The following STK32B variants were observed in gnomAD, a reference collection of about 807,000 sequenced individuals.
The protein encoded by STK32B is serine/threonine kinase 32B, also known as serine/threonine-protein kinase 32B.
STK32B carries 43 observed loss-of-function variants against 52.6 expected under a neutral mutation model. That is an observed-to-expected ratio of 0.82 (90% confidence interval 0.64 to 1.05). The LOEUF (loss-of-function observed/expected upper bound fraction) is 1.05, where lower values mean the gene tolerates loss of function less well. Ranked by LOEUF, STK32B falls within the 50% of genes least tolerant of loss-of-function variation. The pLI, the probability that STK32B is intolerant of heterozygous loss-of-function variation, is 0.00. For synonymous variants in STK32B, 238 were observed against 204.3 expected, an observed-to-expected ratio of 1.17 and a Z score of -1.41; for missense variants, 621 against 534.6, an observed-to-expected ratio of 1.16 and a Z score of -1.59.
At chr4:5,050,375 G>GT (rs1741714264), upstream of STK32B, among the ~76,000 whole-genome samples, 4 of 152,088 alleles carry the variant, frequency 2.6e-5, no homozygotes, top group African/African-American at 9.7e-5. Flanking sequence ...GCCTGCCTCA[G>GT]ACCTTCTCAG....
chr4:5,489,054 T>C (rs904313838), intron 11 of STK32B, among the ~76,000 whole-genome samples: 3 of 152,150 alleles, frequency 2.0e-5, no homozygotes, highest in Non-Finnish European at 2.9e-5. Flanking sequence ...TTGTCTGTCA[T>C]GTATCAATAT....
At chr4:5,317,234 C>CAT (rs1164468428) in intron 3 of STK32B, among the ~76,000 whole-genome samples, 1 of 34,926 alleles carries the variant, frequency 2.9e-5, no homozygotes, top group East Asian at 1.3e-3. Context: ...TTATATATAA[C>CAT]ATATATATAT....
intron 4 of STK32B, among the ~76,000 whole-genome samples, chr4:5,356,141 CT>C (rs1734157551): frequency 6.6e-6 from 1 of 152,112 alleles, no homozygotes; most frequent in African/African-American, 2.4e-5. Flanking sequence ...GGCTTTATAT[CT>C]GACTGCATGG....
intron 2 of STK32B, among the ~76,000 whole-genome samples, chr4:5,158,521 A>G (rs1718048475): frequency 6.6e-6 from 1 of 152,072 alleles, no homozygotes; most frequent in Admixed American, 6.6e-5. Context: ...TCGTAATTGT[A>G]TACTTAGGAT....
intron 3 of STK32B, among the ~76,000 whole-genome samples, chr4:5,304,670 T>A (rs1404630719): frequency 6.6e-6 from 1 of 152,082 alleles, no homozygotes; most frequent in African/African-American, 2.4e-5. Flanking sequence ...TGGATGCCCT[T>A]TATTTCTTTT....
the STK32B span, among the ~76,000 whole-genome samples, chr4:5,030,723 T>A: frequency 6.6e-6 from 1 of 152,190 alleles, no homozygotes; most frequent in African/African-American, 2.4e-5. Flanking sequence ...ACAGCTAGGT[T>A]CAATCTGTGT....
chr4:5,117,194 A>C (rs193278021), intron 1 of STK32B, among the ~76,000 whole-genome samples: 44 of 152,284 alleles, frequency 2.9e-4, no homozygotes. Context: ...CAGTGGTGAG[A>C]GTGAGCATCC....
chr4:5,204,919 A>C (rs991284158), intron 3 of STK32B, among the ~76,000 whole-genome samples: 1 of 152,138 alleles, frequency 6.6e-6, no homozygotes, highest in Non-Finnish European at 1.5e-5. Context: ...AGATTGCTGC[A>C]ATAGCTGGCA....
intron 1 of STK32B, among the ~76,000 whole-genome samples, chr4:5,087,570 A>AT (rs1560144448): frequency 6.8e-6 from 1 of 146,392 alleles, no homozygotes; most frequent in African/African-American, 2.8e-5. Flanking sequence ...CAAGGGACAA[A>AT]TAATTTGATA....
At chr4:5,115,375 A>G (rs989848649) in intron 1 of STK32B, among the ~76,000 whole-genome samples, 2 of 152,214 alleles carry the variant, frequency 1.3e-5, no homozygotes, top group Non-Finnish European at 2.9e-5. Flanking sequence ...AGACACACAT[A>G]TGTGAGCTTG....
At chr4:5,345,104 G>T (rs138014232) in intron 4 of STK32B, among the ~76,000 whole-genome samples, 160 of 150,516 alleles carry the variant, frequency 1.1e-3, no homozygotes, top group Non-Finnish European at 1.9e-3. Flanking sequence ...CTGTCTAAAA[G>T]ATAAGTATAG....
intron 6 of STK32B, among the ~76,000 whole-genome samples, chr4:5,433,361 T>G (rs1713757368): frequency 6.6e-6 from 1 of 152,118 alleles, no homozygotes; most frequent in Admixed American, 6.5e-5. Flanking sequence ...AAAGCTTGCT[T>G]CAGACAGGTT....
rs1713356503 is a variant in STK32B, at chr4:5,429,236, C to T, written c.562+12302C>T. On this transcript the variant is annotated intron_variant, in intron 6 of 11. Coordinates refer to ENST00000282908, the MANE Select transcript of STK32B (RefSeq NM_018401.3). ...ATTTCTTGTAGGCAATCTTTTAAAT[C>T]CAGTCTAACAGTATCTGTCTTTTCA... Among the ~76,000 whole-genome samples, 3 of 125,638 alleles carry T rather than the reference C, an allele frequency of 2.4e-5. No homozygotes were observed. In the South Asian group the frequency reaches 1.0e-3, roughly 42 times the overall value. 82.4% of individuals were successfully genotyped at this position (125,638 alleles called of 152,430 possible).
At chr4:5,371,011 T>TATAC (rs1491442986) in intron 4 of STK32B, among the ~76,000 whole-genome samples, 13 of 150,208 alleles carry the variant, frequency 8.7e-5, no homozygotes, top group Non-Finnish European at 1.9e-4. Context: ...TATATATATA[T>TATAC]GTATATATAT....
chr4:5,435,205 A>G (rs1184049360), intron 6 of STK32B, among the ~76,000 whole-genome samples: 1 of 152,146 alleles, frequency 6.6e-6, no homozygotes, highest in Non-Finnish European at 1.5e-5. Context: ...AAGAAGCTTT[A>G]GTTGTTGTTG....
chr4:5,147,447 C>A (rs1372722013), intron 2 of STK32B, among the ~76,000 whole-genome samples: 1 of 152,000 alleles, frequency 6.6e-6, no homozygotes, highest in Non-Finnish European at 1.5e-5. Flanking sequence ...GTAGCTAAAA[C>A]CCTCGGTACA....
rs180801058 is a variant in STK32B at position 5,338,607 on chromosome 4, G to T, written c.434+7214G>T. ...TGTGGACATTGGTGAGATAAATGCC[G>T]ATGTTCCAGAGCTGAGCCAGGGATG... On this transcript the variant is annotated intron_variant, in intron 4 of 11. Transcript: ENST00000282908. Among the ~76,000 whole-genome samples the T allele has an allele frequency of 2.0e-5, 3 of 152,326 alleles. No homozygotes were observed. The East Asian group carries it at 5.8e-4, about 29-fold the overall frequency.
At chr4:5,317,785 C>T (rs1293367220) in intron 3 of STK32B, among the ~76,000 whole-genome samples, 1 of 151,698 alleles carries the variant, frequency 6.6e-6, no homozygotes, top group Non-Finnish European at 1.5e-5. Flanking sequence ...GAGTTATTGA[C>T]TTAAAAATCT....
intron 9 of STK32B, among the ~76,000 whole-genome samples, chr4:5,462,672 C>T (rs1267319822): frequency 6.6e-6 from 1 of 152,180 alleles, no homozygotes; most frequent in Non-Finnish European, 1.5e-5. Flanking sequence ...CAGTGCACAG[C>T]CCCCACTGCG....
Sources: gnomAD v4.1 joint callset for allele counts (sites outside exome capture counted in the v4.1 genomes callset) on GRCh38, gnomAD v4.1.1 for gene constraint, MANE v1.5 for transcripts, NCBI Gene and HGNC (gene_info 2026-07-23, HGNC 2026-07-21) for gene names.